Variants in CDH8 observed in about 807,000 individuals in gnomAD.
CDH8 encodes the protein cadherin-8.
In CDH8, 17 loss-of-function variants were observed where a neutral mutation model predicts 68.1. The observed-to-expected ratio is 0.25, with a 90% confidence interval of 0.17 to 0.37. CDH8 has a LOEUF of 0.37. CDH8 is among the 10% of genes least tolerant of loss of function. The pLI is 1.00. For missense variants in CDH8, 763 were observed against 999.3 expected (o/e 0.76, Z 3.19); for synonymous variants, 372 against 365.1 (o/e 1.02, Z -0.21).
At chr16:61,752,779 T>C (rs1960202384) in intron 8 of CDH8, among the ~76,000 whole-genome samples, 1 of 152,200 alleles carries the variant, frequency 6.6e-6, no homozygotes, top group Non-Finnish European at 1.5e-5. Context: ...GCTACAAGTT[T>C]ACGAGTATTA....
chr16:61,923,536 A>T (rs1964408251), intron 2 of CDH8, among the ~76,000 whole-genome samples: 1 of 152,022 alleles, frequency 6.6e-6, no homozygotes. Context: ...TTTTGCTTTA[A>T]TTTAATGAAT....
intron 8 of CDH8, among the ~76,000 whole-genome samples, chr16:61,751,382 T>TAAAAAAAAAAAAAAAAAAAAA (rs71134375): frequency 5.5e-5 from 3 of 54,138 alleles, no homozygotes; most frequent in African/African-American, 2.4e-4. Context: ...ATATTCTCCT[T>TAAAAAAAAAAAAAAAAAAAAA]AAAAAAAAAA....
intron 2 of CDH8, among the ~76,000 whole-genome samples, chr16:61,981,677 T>TGCGCGC (rs1359790500): frequency 6.7e-6 from 1 of 149,660 alleles, no homozygotes; most frequent in African/African-American, 2.5e-5. Context: ...TGTGTGTGTG[T>TGCGCGC]GTGTGCGCGC....
chr16:61,728,498 C>T (rs1454656233), intron 8 of CDH8, among the ~76,000 whole-genome samples: 1 of 150,962 alleles, frequency 6.6e-6, no homozygotes, highest in Non-Finnish European at 1.5e-5. Context: ...AAATGTCTCA[C>T]CTCATATACC....
intron 8 of CDH8, among the ~76,000 whole-genome samples, chr16:61,759,361 A>AGAG (rs910925428): frequency 1.3e-5 from 2 of 151,780 alleles, no homozygotes; most frequent in African/African-American, 4.8e-5. Context: ...AGAAGGAGGA[A>AGAG]GAGGAGGAGG....
intron 1 of CDH8, among the ~76,000 whole-genome samples, chr16:62,033,551 G>A (rs1357041083): frequency 6.6e-6 from 1 of 152,220 alleles, no homozygotes. Context: ...TGATAAAGCA[G>A]AAGCACTGAT....
chr16:61,917,808 G>T (rs924416441), intron 2 of CDH8, among the ~76,000 whole-genome samples: 1 of 152,026 alleles, frequency 6.6e-6, no homozygotes, highest in African/African-American at 2.4e-5. Context: ...TTGGTGACAA[G>T]ATCTTCCCTA....
intron 9 of CDH8, chr16:61,725,684 C>G (rs1283797517): frequency 6.6e-6 from 1 of 150,684 alleles, no homozygotes. Context: ...ACACTCCCTT[C>G]TCAAAGGATC....
chr16:62,028,188 C>T (rs1015068727), intron 1 of CDH8, among the ~76,000 whole-genome samples: 3 of 151,142 alleles, frequency 2.0e-5, no homozygotes, highest in Non-Finnish European at 2.9e-5. Flanking sequence ...CCTCAGCCTC[C>T]TGAGTAGCTG....
intron 8 of CDH8, among the ~76,000 whole-genome samples, chr16:61,770,209 C>T (rs1960743442): frequency 6.6e-6 from 1 of 151,932 alleles, no homozygotes; most frequent in Non-Finnish European, 1.5e-5. Flanking sequence ...CAGAGACCAG[C>T]ATTCTGCTTG....
At chr16:61,702,434 G>T (rs7192376) in intron 10 of CDH8, among the ~76,000 whole-genome samples, 14 of 152,096 alleles carry the variant, frequency 9.2e-5, no homozygotes, top group African/African-American at 3.4e-4. Context: ...TTCTTAATGA[G>T]TCAGTGTCAT....
At chr16:62,008,584 T>C (rs1318959078) in intron 2 of CDH8, among the ~76,000 whole-genome samples, 1 of 152,114 alleles carries the variant, frequency 6.6e-6, no homozygotes, top group Non-Finnish European at 1.5e-5. Context: ...CACTGCAGCC[T>C]CCAACTCCCG....
intron 1 of CDH8, among the ~76,000 whole-genome samples, chr16:62,025,530 C>T (rs887046896): frequency 1.8e-4 from 27 of 152,010 alleles, no homozygotes; most frequent in African/African-American, 5.1e-4. Context: ...GGTATAGCCC[C>T]GGGGAGAAAT....
At chr16:61,791,445 T>TATC (rs1961378158) in intron 7 of CDH8, among the ~76,000 whole-genome samples, 1 of 152,072 alleles carries the variant, frequency 6.6e-6, no homozygotes, top group Non-Finnish European at 1.5e-5. Flanking sequence ...TTGCTTCAGA[T>TATC]ATCATGTGTA....
intron 10 of CDH8, among the ~76,000 whole-genome samples, chr16:61,663,646 C>T (rs972071750): frequency 1.3e-5 from 2 of 151,786 alleles, no homozygotes; most frequent in Non-Finnish European, 2.9e-5. Context: ...GAACTGAACA[C>T]CTAACTGATT....
At chr16:61,678,960 T>A (rs1036784828) in intron 10 of CDH8, among the ~76,000 whole-genome samples, 1 of 152,030 alleles carries the variant, frequency 6.6e-6, no homozygotes, top group Admixed American at 6.6e-5. Context: ...GAACTTGGAG[T>A]CTGATGGTCA....
chr16:61,833,486 A>T (rs1962506489), intron 4 of CDH8, among the ~76,000 whole-genome samples: 1 of 151,884 alleles, frequency 6.6e-6, no homozygotes, highest in Non-Finnish European at 1.5e-5. Context: ...TATTTTTAAA[A>T]TTAGAAACAA....
At chr16:61,844,535 C>A (rs1962763395) in intron 4 of CDH8, among the ~76,000 whole-genome samples, 1 of 152,124 alleles carries the variant, frequency 6.6e-6, no homozygotes, top group African/African-American at 2.4e-5. Context: ...TAACCATTTT[C>A]CAGGGTATAG....
intron 7 of CDH8, among the ~76,000 whole-genome samples, chr16:61,811,570 A>C (rs1961950074): frequency 6.6e-6 from 1 of 152,198 alleles, no homozygotes; most frequent in Admixed American, 6.5e-5. Flanking sequence ...AAGAATTGAA[A>C]TCAAGATATT....
Sources: gnomAD v4.1 joint callset for allele counts (sites outside exome capture counted in the v4.1 genomes callset) on GRCh38, gnomAD v4.1.1 for gene constraint, MANE v1.5 for transcripts, NCBI Gene and HGNC (gene_info 2026-07-23, HGNC 2026-07-21) for gene names.